SLC4A4: variants seen among roughly 807,000 people sequenced by gnomAD.
SLC4A4 encodes solute carrier family 4 member 4, also known as electrogenic sodium bicarbonate cotransporter 1.
In SLC4A4, 27 loss-of-function variants were observed where a neutral mutation model predicts 111.5. The observed-to-expected ratio is 0.24, with a 90% CI of 0.18 to 0.33. SLC4A4 has a LOEUF of 0.33. SLC4A4 is among the 10% of genes least tolerant of loss of function. The pLI is 1.00. For missense variants in SLC4A4, 909 were observed against 1,315.5 expected (o/e 0.69, Z 4.78); for synonymous variants, 443 against 463.4 (o/e 0.96, Z 0.57).
At chr4:71,358,494 G>A (rs1730483923) in intron 6 of SLC4A4, among the ~76,000 whole-genome samples, 1 of 152,096 alleles carries the variant, frequency 6.6e-6, no homozygotes, top group Admixed American at 6.6e-5. Context: ...AAAGGTAACT[G>A]TTGGCTGGAA....
At chr4:71,208,430 C>CAAAA (rs34995813) in intron 1 of SLC4A4, among the ~76,000 whole-genome samples, 5 of 110,322 alleles carry the variant, frequency 4.5e-5, no homozygotes, top group South Asian at 2.7e-4. Flanking sequence ...GACTCCGTCT[C>CAAAA]AAAAAAAAAA....
Position 71,570,985 on chromosome 4 carries a change from C to G in SLC4A4, c.*3234C>G, listed in dbSNP as rs1477956562. On this transcript the variant is annotated 3_prime_UTR_variant, in exon 26 of 26. Coordinates refer to ENST00000264485, the MANE Select transcript of SLC4A4 (RefSeq NM_001098484.3). ...AAAACCTCTCTCCTCAGCCTTCCAC[C>G]TCCAAGAGAGGAGGAAAAACAGTTG... 6.6e-6 allele frequency: 1 copy of G among 152,128 alleles called. No homozygotes were observed. Among genetic ancestry groups the G allele is most frequent in the Non-Finnish European group, 1.5e-5 (1 of 67,830 alleles). The allele number at this position is 152,128 out of a possible 1,614,324, so 9.4% of individuals were successfully genotyped here. A position where few individuals can be genotyped will look rare whatever the true frequency, so the allele number is the denominator to read the frequency against.
intron 3 of SLC4A4, among the ~76,000 whole-genome samples, chr4:71,268,590 T>C (rs1028446070): frequency 1.3e-5 from 2 of 152,250 alleles, no homozygotes; most frequent in African/African-American, 4.8e-5. Flanking sequence ...CCTTTATTAC[T>C]AAGTACAACA....
intron 1 of SLC4A4, among the ~76,000 whole-genome samples, chr4:71,070,198 T>C (rs1741629580): frequency 6.6e-6 from 1 of 152,218 alleles, no homozygotes; most frequent in Admixed American, 6.5e-5. Context: ...TGGACTCCTG[T>C]GTATCAGTCA....
intron 7 of SLC4A4, among the ~76,000 whole-genome samples, chr4:71,421,247 A>T (rs1045232051): frequency 6.6e-6 from 1 of 152,248 alleles, no homozygotes; most frequent in Non-Finnish European, 1.5e-5. Context: ...GAAGGCCATT[A>T]CATAATGTTA....
chr4:71,512,689 T>C (rs746262984), intron 16 of SLC4A4, among the ~76,000 whole-genome samples: 2 of 152,162 alleles, frequency 1.3e-5, no homozygotes, highest in Non-Finnish European at 2.9e-5. Context: ...TTTCAGATCT[T>C]AATCATAAAT....
chr4:71,507,262 A>T (rs143846144), intron 16 of SLC4A4, among the ~76,000 whole-genome samples: 119 of 152,340 alleles, frequency 7.8e-4, no homozygotes, highest in African/African-American at 2.8e-3. Flanking sequence ...TTTACATGTA[A>T]ATGGGCTAAA....
chr4:71,435,729 C>G (rs1056075513), intron 7 of SLC4A4, among the ~76,000 whole-genome samples: 1 of 151,974 alleles, frequency 6.6e-6, no homozygotes, highest in East Asian at 1.9e-4. Flanking sequence ...AACAAACAAC[C>G]CCATCAAAAA....
intron 2 of SLC4A4, among the ~76,000 whole-genome samples, chr4:71,094,369 T>C (rs754349739): frequency 4.6e-5 from 7 of 152,242 alleles, no homozygotes; most frequent in Non-Finnish European, 4.4e-5. Context: ...TAGAGTGGCA[T>C]GTACAGATCC....
At chr4:71,140,832 G>A (rs1446938469) in intron 2 of SLC4A4, among the ~76,000 whole-genome samples, 1 of 152,178 alleles carries the variant, frequency 6.6e-6, no homozygotes, top group Admixed American at 6.5e-5. Context: ...TCACTAGGAT[G>A]ATTGCAAAGA....
At chr4:71,071,958 A>G (rs1371827651) in intron 1 of SLC4A4, among the ~76,000 whole-genome samples, 4 of 152,234 alleles carry the variant, frequency 2.6e-5, no homozygotes, top group Non-Finnish European at 5.9e-5. Flanking sequence ...TAATTTTAAT[A>G]GTGCCAAATC....
chr4:71,437,259 A>G (rs549547417), intron 7 of SLC4A4: 37 of 365,036 alleles, frequency 1.0e-4, no homozygotes, highest in Non-Finnish European at 1.8e-4. Context: ...GCCTTTGCCC[A>G]GTGAAGAAAC....
At chr4:71,356,885 T>C (rs1730331778) in intron 5 of SLC4A4, 123 bp from the exon 6 acceptor site, 1 of 881,768 alleles carries the variant, frequency 1.1e-6, no homozygotes, top group South Asian at 1.7e-5. Context: ...AATGGGAAAT[T>C]AGAAATTTAG....
At chr4:71,380,680 T>C (rs1187447822) in intron 6 of SLC4A4, among the ~76,000 whole-genome samples, 1 of 152,168 alleles carries the variant, frequency 6.6e-6, no homozygotes, top group African/African-American at 2.4e-5. Context: ...TCAAAGATTG[T>C]TCTACTGTAA....
intron 16 of SLC4A4, among the ~76,000 whole-genome samples, chr4:71,516,397 A>G (rs888812413): frequency 1.3e-5 from 2 of 152,070 alleles, no homozygotes; most frequent in Non-Finnish European, 2.9e-5. Context: ...GCGCCCAGCC[A>G]AGGGATTTCT....
intron 2 of SLC4A4, among the ~76,000 whole-genome samples, chr4:71,111,257 A>G (rs1354106819): frequency 6.6e-6 from 1 of 152,160 alleles, no homozygotes; most frequent in African/African-American, 2.4e-5. Flanking sequence ...TTGTCACCCT[A>G]TTTGGCCTAC....
At chr4:71,390,711 GTACAT>G (rs1719174144) in intron 6 of SLC4A4, among the ~76,000 whole-genome samples, 1 of 152,040 alleles carries the variant, frequency 6.6e-6, no homozygotes, top group African/African-American at 2.4e-5. Flanking sequence ...CTCTGTGGTT[GTACAT>G]TACATTTTCT....
At position 71,532,095 on chromosome 4, in the gene SLC4A4, T is replaced by C. The variant is rs778996500; in HGVS notation, c.2200T>C (p.Leu734=). 3 of 1,613,060 alleles carry C rather than the reference T, an allele frequency of 1.9e-6. No homozygotes were observed. The highest frequency in any genetic ancestry group is 2.2e-5 in the East Asian group (1 of 44,856). The change falls in exon 17 of 26, where the codon TTG becomes CTG. Residue 734 remains leucine (L), a synonymous_variant. Coordinates refer to ENST00000264485, the MANE Select transcript of SLC4A4 (RefSeq NM_001098484.3). The part of the protein sequence containing the change: ...RKLISDFAII[L]SILIFCVIDA... The stretch of plus-strand genomic sequence containing the variant: ...ACTGATCAGTGATTTTGCCATTATC[T>C]TGTCCATTCTCATCTTTTGTGTAAT...
chr4:71,169,799 C>G (rs977568864), intron 2 of SLC4A4, among the ~76,000 whole-genome samples: 1 of 152,104 alleles, frequency 6.6e-6, no homozygotes, highest in Non-Finnish European at 1.5e-5. Context: ...GAATGAACTT[C>G]CCGGATTCTA....
Sources: allele counts gnomAD v4.1 joint callset (sites outside exome capture counted in the v4.1 genomes callset), GRCh38; gene constraint gnomAD v4.1.1; transcripts MANE v1.5; gene names NCBI Gene and HGNC (gene_info 2026-07-23, HGNC 2026-07-21).